Variants in ZPR1 observed in about 807,000 individuals in gnomAD.
The protein encoded by ZPR1 is zinc finger protein ZPR1.
A neutral mutation model predicts 59.6 loss-of-function variants in ZPR1; 37 were observed. The observed-to-expected ratio is 0.62, with a 90% CI of 0.48 to 0.82. ZPR1 has a LOEUF of 0.82. Ranked by LOEUF, ZPR1 falls within the 40% of genes least tolerant of loss-of-function variation. The probability of loss-of-function intolerance (pLI) is 0.00; values close to 1 mark genes in which losing one functional copy is unlikely to be tolerated. For missense variants in ZPR1, 527 were observed against 579.9 expected (o/e 0.91, Z 0.94); for synonymous variants, 191 against 215.2 (o/e 0.89, Z 0.99).
At position 116,773,859 on chromosome 11, in the gene ZPR1, T is replaced by C. The variant is rs961889360; in HGVS notation, c.*5066A>G. ...GGGGTTTAGAGCTTTACCTGAATTA[T>C]CTCATTTAACCCTCACAATTCTCAA... On this transcript the variant is annotated 3_prime_UTR_variant, in exon 14 of 14. Coordinates refer to ENST00000227322, the MANE Select transcript of ZPR1 (RefSeq NM_003904.5). 3 of 152,334 alleles carry C rather than the reference T, an allele frequency of 2.0e-5. No homozygotes were observed. Among genetic ancestry groups the C allele is most frequent in the Admixed American group, 6.5e-5 (1 of 15,306 alleles). The allele number at this position is 152,334 out of a possible 1,614,324, so 9.4% of individuals were successfully genotyped here.
chr11:116,786,583 T>C lies in ZPR1; in HGVS notation c.425-2A>G. 1 of 1,613,952 alleles carries C rather than the reference T, an allele frequency of 6.2e-7. No individual in the cohort carries two copies. ...TCAATCCTTCAACAGTGGTCAGAGC[T>C]TGTGAACAAGAACAAAAGACAAGTG... On this transcript the variant is annotated splice_acceptor_variant, in intron 3 of 13. Transcript: ENST00000227322. LOFTEE classifies it high-confidence loss of function.
At chr11:116,782,016 A>C in intron 12 of ZPR1, 142 bp downstream of exon 12, 1 of 637,250 alleles carries the variant, frequency 1.6e-6, no homozygotes, top group Non-Finnish European at 2.6e-6. Flanking sequence ...TGTCTCCAAA[A>C]AAAAAAAAAA....
intron 9 of ZPR1, among the ~76,000 whole-genome samples, chr11:116,783,878 A>G (rs1257617491): frequency 6.6e-6 from 1 of 151,546 alleles, no homozygotes; most frequent in Non-Finnish European, 1.5e-5. Context: ...AAAAAAAAAA[A>G]AAGACTTTTG....
In ZPR1 at chr11:116,774,674, G is replaced by C. The variant is rs1940698667; in HGVS notation, c.*4251C>G. ...AAAGGAAAGCAGGCTGGGGCTCTGAGGGCTTGTGAGACGAGGACGCTGGGC... is the reference window on the plus strand; with the variant it reads ...AAAGGAAAGCAGGCTGGGGCTCTGACGGCTTGTGAGACGAGGACGCTGGGC... On this transcript the variant is annotated 3_prime_UTR_variant, in exon 14 of 14. Transcript: ENST00000227322. 6.6e-6 allele frequency: 1 copy of C among 152,334 alleles called. No individual in the cohort carries two copies. Among genetic ancestry groups the C allele is most frequent in the Non-Finnish European group, 1.5e-5 (1 of 68,152 alleles). The allele number at this position is 152,334 out of a possible 1,614,324, so 9.4% of individuals were successfully genotyped here. A position where few individuals can be genotyped will look rare whatever the true frequency, so the allele number is the denominator to read the frequency against.
At chr11:116,785,215 A>C (rs1940866066) in intron 6 of ZPR1, 69 bp from the exon 7 acceptor site, 1 of 1,563,312 alleles carries the variant, frequency 6.4e-7, no homozygotes, top group Non-Finnish European at 8.8e-7. Context: ...CCTGCCCTGG[A>C]GTGGGAGAAA....
intron 12 of ZPR1, 131 bp downstream of exon 12, chr11:116,782,024 AAAG>A: frequency 2.9e-6 from 2 of 679,058 alleles, no homozygotes; most frequent in Non-Finnish European, 4.8e-6. Context: ...AAAAAAAAAA[AAAG>A]AAAAGAAAAC....
In ZPR1 at chr11:116,787,852, T is replaced by C. The variant is rs1362125510; in HGVS notation, c.139A>G (p.Ile47Val). 1 of 1,558,062 alleles carries C rather than the reference T, an allele frequency of 6.4e-7. No homozygotes were observed. The change falls in exon 1 of 14, where the codon ATC becomes GTC. Residue 47 changes from isoleucine to valine, a missense_variant. Ile to Val is a conservative substitution (Grantham distance 29). Transcript: ENST00000227322. ...TAACAGTTCATGCATAGCGACTCGA[T>C]CTCGGTGGGCTGCTGCTCCTCGTCC... Reference protein sequence around the residue: ...AEDEEQQPTEIESLCMNCYCN... With the variant: ...AEDEEQQPTEVESLCMNCYCN...
At chr11:116,783,808 T>G (rs1055108343) in intron 9 of ZPR1, among the ~76,000 whole-genome samples, 189 bp from the exon 10 acceptor site, 2 of 147,866 alleles carry the variant, frequency 1.4e-5, no homozygotes, top group Non-Finnish European at 3.0e-5. Context: ...TGCCCAACCC[T>G]GGTAACGTGC....
At chr11:116,779,634 T>C in intron 13 of ZPR1, 138 bp downstream of exon 13, 1 of 600,332 alleles carries the variant, frequency 1.7e-6, no homozygotes, top group Non-Finnish European at 2.9e-6. Flanking sequence ...TTCTCCCTTA[T>C]GTATCTTCTA....
At position 116,779,756 on chromosome 11, in the gene ZPR1, G is replaced by A. The variant is rs970105324; in HGVS notation, c.1245+16C>T. On this transcript the variant is annotated intron_variant, in intron 13 of 13. Coordinates refer to ENST00000227322, the MANE Select transcript of ZPR1 (RefSeq NM_003904.5). ...AAAATGTATCTCTATGAAACATCAGGGAAGGTCTACTATACCTGCAAGTAA... is the reference window on the plus strand; with the variant it reads ...AAAATGTATCTCTATGAAACATCAGAGAAGGTCTACTATACCTGCAAGTAA... 1.3e-6 allele frequency: 2 copies of A among 1,581,022 alleles called. No individual in the cohort carries two copies. Among genetic ancestry groups the A allele is most frequent in the African/African-American group, 2.7e-5 (2 of 73,984 alleles).
At position 116,787,471 on chromosome 11, in the gene ZPR1, G is replaced by A; in HGVS notation, c.333+11C>T. Reference sequence around the variant, plus strand: ...TAGAATACTGAGGTACCTGCTCTGAGGTCCTCTCACCTCCAGAGCCCTGAC... The same window carrying A: ...TAGAATACTGAGGTACCTGCTCTGAAGTCCTCTCACCTCCAGAGCCCTGAC... On this transcript the variant is annotated intron_variant, in intron 2 of 13. Coordinates refer to ENST00000227322, the MANE Select transcript of ZPR1 (RefSeq NM_003904.5). The A allele has an allele frequency of 1.2e-6, 2 of 1,612,342 alleles. No homozygotes were observed. The highest frequency in any genetic ancestry group is 1.7e-6 in the Non-Finnish European group (2 of 1,178,588).
Position 116,778,779 on chromosome 11 carries a change from ACAGAT to A in ZPR1, c.*141_*145del. The stretch of plus-strand genomic sequence containing the variant: ...ATCACAAGCTGTTTAGAAAGTGTGC[ACAGAT>A]CTCTGACTCAGACCAGATGTCCTCC... On this transcript the variant is annotated 3_prime_UTR_variant, in exon 14 of 14. Coordinates refer to ENST00000227322, the MANE Select transcript of ZPR1 (RefSeq NM_003904.5). The A allele has an allele frequency of 9.9e-7, 1 of 1,007,190 alleles. No individual in the cohort carries two copies. The allele number at this position is 1,007,190 out of a possible 1,614,324, so 62.4% of individuals were successfully genotyped here.
chr11:116,785,936 CCCCT>C (rs1940881388), intron 4 of ZPR1, 54 bp from the exon 5 acceptor site: 1 of 1,496,566 alleles, frequency 6.7e-7, no homozygotes, highest in African/African-American at 1.4e-5. Flanking sequence ...TTATGCCCTG[CCCCT>C]TGTCATGCCC....
At position 116,786,589 on chromosome 11, in the gene ZPR1, A is replaced by C; in HGVS notation, c.425-8T>G. 4 of 1,613,762 alleles carry C rather than the reference A, an allele frequency of 2.5e-6. No homozygotes were observed. Among genetic ancestry groups the C allele is most frequent in the Non-Finnish European group, 3.4e-6 (4 of 1,179,706 alleles). On this transcript the variant is annotated splice_polypyrimidine_tract_variant and splice_region_variant and intron_variant, in intron 3 of 13. Coordinates refer to ENST00000227322, the MANE Select transcript of ZPR1 (RefSeq NM_003904.5). ...CTTCAACAGTGGTCAGAGCTTGTGAACAAGAACAAAAGACAAGTGTGACTT... is the reference window on the plus strand; with the variant it reads ...CTTCAACAGTGGTCAGAGCTTGTGACCAAGAACAAAAGACAAGTGTGACTT...
At position 116,786,590 on chromosome 11, in the gene ZPR1, C is replaced by T; in HGVS notation, c.425-9G>A. 6.2e-7 allele frequency: 1 copy of T among 1,613,728 alleles called. No homozygotes were observed. The highest frequency in any genetic ancestry group is 8.5e-7 in the Non-Finnish European group (1 of 1,179,676). The stretch of plus-strand genomic sequence containing the variant: ...TTCAACAGTGGTCAGAGCTTGTGAA[C>T]AAGAACAAAAGACAAGTGTGACTTA... On this transcript the variant is annotated splice_polypyrimidine_tract_variant and intron_variant, in intron 3 of 13. Transcript: ENST00000227322.
rs1443081871 is a variant in ZPR1, at chr11:116,787,961, C to G, written c.30G>C (p.Gly10=). MAASGAVEP[G]PPGAAVAPSP... ...ACGGGGCGACGGCAGCCCCCGGGGG[C>G]CCTGGTTCCACAGCCCCGCTGGCCG... The change falls in exon 1 of 14, where the codon GGG becomes GGC. Residue 10 remains glycine, a synonymous_variant. Coordinates refer to ENST00000227322, the MANE Select transcript of ZPR1 (RefSeq NM_003904.5). 6.9e-7 allele frequency: 1 copy of G among 1,453,410 alleles called. No homozygotes were observed. The highest frequency in any genetic ancestry group is 9.0e-7 in the Non-Finnish European group (1 of 1,113,966). The allele number at this position is 1,453,410 out of a possible 1,614,324, so 90.0% of individuals were successfully genotyped here. A position where few individuals can be genotyped will look rare whatever the true frequency, so the allele number is the denominator to read the frequency against.
Position 116,784,870 on chromosome 11 carries a change from T to C in ZPR1, c.805A>G (p.Asn269Asp), listed in dbSNP as rs1940860191. Residue 269 changes from asparagine to aspartate, a missense_variant, in exon 8 of 14, where the codon AAC (asparagine) becomes GAC (aspartate). Physicochemically the swap from Asn to Asp is conservative, Grantham distance 23 (BLOSUM62 1). Coordinates refer to ENST00000227322, the MANE Select transcript of ZPR1 (RefSeq NM_003904.5). ...CAAAAGATACGTACTAGCTTCATGT[T>C]GGTCTGAGCGGGGGCATTGCATTCT... ...CPECNAPAQT[N>D]MKLVQIPHFK... 1 of 1,614,222 alleles carries C rather than the reference T, an allele frequency of 6.2e-7. No individual in the cohort carries two copies. Among genetic ancestry groups the C allele is most frequent in the Non-Finnish European group, 8.5e-7 (1 of 1,180,048 alleles).
chr11:116,782,842 A>G, intron 11 of ZPR1, 77 bp downstream of exon 11: 1 of 1,144,412 alleles, frequency 8.7e-7, no homozygotes. Context: ...GAAAATTAGG[A>G]TGTCTGAAGT....
rs1940890438 is a variant in ZPR1 at position 116,786,561 on chromosome 11, A to G, written c.445T>C (p.Leu149=). 1 of 1,614,232 alleles carries G rather than the reference A, an allele frequency of 6.2e-7. No individual in the cohort carries two copies. The highest frequency in any genetic ancestry group is 1.3e-5 in the African/African-American group (1 of 75,068). Residue 149 remains leucine (L), a synonymous_variant, in exon 4 of 14, where the codon TTG becomes CTG. Coordinates refer to ENST00000227322, the MANE Select transcript of ZPR1 (RefSeq NM_003904.5). ...AGGCCAGAGATAGCACGGGTGATCA[A>G]TCCTTCAACAGTGGTCAGAGCTTGT... The part of the protein sequence containing the change: ...QKGALTTVEG[L]ITRAISGLEQ...
Sources: allele counts gnomAD v4.1 joint callset (sites outside exome capture counted in the v4.1 genomes callset), GRCh38; gene constraint gnomAD v4.1.1; transcripts MANE v1.5; gene names NCBI Gene and HGNC (gene_info 2026-07-23, HGNC 2026-07-21).